The following PDE4D variants were observed in gnomAD, a reference collection of about 807,000 sequenced individuals.
PDE4D encodes the protein phosphodiesterase 4D.
PDE4D carries 24 observed loss-of-function variants against 87.4 expected under a neutral mutation model. The observed-to-expected ratio is 0.27, with a 90% CI of 0.20 to 0.39. The LOEUF (loss-of-function observed/expected upper bound fraction) is 0.39. PDE4D is among the 10% of genes least tolerant of loss of function. The pLI is 1.00. For missense variants in PDE4D, 714 were observed against 1,041.0 expected (o/e 0.69, Z 4.32); for synonymous variants, 384 against 383.2 (o/e 1.00, Z -0.02).
chr5:60,093,123 G>A (rs1210765561), intron 2 of PDE4D, among the ~76,000 whole-genome samples: 1 of 152,172 alleles, frequency 6.6e-6, no homozygotes, highest in Non-Finnish European at 1.5e-5. Context: ...AGGTAGGTAT[G>A]GAATCTTTCT....
intron 1 of PDE4D, among the ~76,000 whole-genome samples, chr5:59,534,194 T>A (rs989515605): frequency 2.3e-4 from 35 of 152,350 alleles, no homozygotes; most frequent in African/African-American, 8.4e-4. Context: ...GAGATTGATT[T>A]TCTTGCTCTA....
At chr5:59,644,299 C>T (rs1007308914) in intron 1 of PDE4D, among the ~76,000 whole-genome samples, 3 of 152,130 alleles carry the variant, frequency 2.0e-5, no homozygotes. Flanking sequence ...CTGTGTTGGT[C>T]TGAGTAATGG....
At chr5:59,420,339 A>G (rs938440698) in intron 1 of PDE4D, among the ~76,000 whole-genome samples, 1 of 152,134 alleles carries the variant, frequency 6.6e-6, no homozygotes, top group African/African-American at 2.4e-5. Flanking sequence ...ACCTTTAAAA[A>G]CTGCCAGTGA....
intron 5 of PDE4D, among the ~76,000 whole-genome samples, chr5:59,051,509 T>A (rs1188623168): frequency 1.3e-5 from 2 of 152,190 alleles, no homozygotes; most frequent in African/African-American, 2.4e-5. Context: ...TTTCAAACAT[T>A]TCCCAAAGAA....
chr5:60,318,085 G>T (rs1040906442), intron 1 of PDE4D, among the ~76,000 whole-genome samples: 4 of 152,018 alleles, frequency 2.6e-5, no homozygotes, highest in Non-Finnish European at 2.9e-5. Context: ...TTGACAGTGG[G>T]GTGTTAAAGT....
chr5:59,744,401 T>C (rs1396360102), intron 1 of PDE4D, among the ~76,000 whole-genome samples: 1 of 152,168 alleles, frequency 6.6e-6, no homozygotes, highest in Non-Finnish European at 1.5e-5. Flanking sequence ...CCACAACTTT[T>C]GATCACTTTA....
At chr5:60,105,536 G>A (rs1452649684) in intron 2 of PDE4D, among the ~76,000 whole-genome samples, 1 of 152,042 alleles carries the variant, frequency 6.6e-6, no homozygotes, top group Non-Finnish European at 1.5e-5. Context: ...TCCTCAAGAA[G>A]CACACCTCCA....
At chr5:60,313,549 A>G (rs924561728) in intron 1 of PDE4D, among the ~76,000 whole-genome samples, 7 of 152,206 alleles carry the variant, frequency 4.6e-5, no homozygotes, top group Non-Finnish European at 7.3e-5. Flanking sequence ...ATTCAAAAAA[A>G]CTGACTAGGA....
intron 1 of PDE4D, among the ~76,000 whole-genome samples, chr5:59,467,486 G>C (rs1801755312): frequency 6.6e-6 from 1 of 152,132 alleles, no homozygotes; most frequent in Non-Finnish European, 1.5e-5. Flanking sequence ...TTTAACCTTT[G>C]CTATTTGTTC....
intron 1 of PDE4D, among the ~76,000 whole-genome samples, chr5:59,584,551 G>A (rs1293168959): frequency 6.6e-6 from 1 of 152,170 alleles, no homozygotes; most frequent in Admixed American, 6.5e-5. Flanking sequence ...AGATCTAGAG[G>A]AGCATGAATA....
intron 1 of PDE4D, among the ~76,000 whole-genome samples, chr5:60,213,298 G>A (rs557868135): frequency 1.3e-5 from 2 of 152,290 alleles, no homozygotes; most frequent in South Asian, 2.1e-4. Context: ...TGGCAAATAG[G>A]GGTGTGGAAA....
chr5:59,823,739 T>A (rs1392854526), intron 1 of PDE4D, among the ~76,000 whole-genome samples: 1 of 151,814 alleles, frequency 6.6e-6, no homozygotes. Context: ...TGCCTACTTT[T>A]CTGATTTCCT....
chr5:59,926,272 A>G (rs552653690), intron 3 of PDE4D, among the ~76,000 whole-genome samples: 1 of 152,164 alleles, frequency 6.6e-6, no homozygotes, highest in South Asian at 2.1e-4. Context: ...GCAGTGAGTC[A>G]ATGAGGAAAT....
intron 2 of PDE4D, among the ~76,000 whole-genome samples, chr5:60,048,012 A>T (rs1315714398): frequency 6.6e-6 from 1 of 152,128 alleles, no homozygotes; most frequent in Non-Finnish European, 1.5e-5. Flanking sequence ...GTCTCTTTGT[A>T]GGTCTCTCAG....
chr5:60,272,562 T>C (rs1041860693), intron 1 of PDE4D, among the ~76,000 whole-genome samples: 9 of 152,128 alleles, frequency 5.9e-5, no homozygotes, highest in Non-Finnish European at 1.2e-4. Context: ...ATGAAGGCAG[T>C]TTATTCTTCT....
intron 6 of PDE4D, among the ~76,000 whole-genome samples, chr5:59,033,720 TA>T (rs1356508219): frequency 6.6e-6 from 1 of 152,196 alleles, no homozygotes; most frequent in Non-Finnish European, 1.5e-5. Flanking sequence ...ATACTTCTTT[TA>T]TCATGGGCAA....
At chr5:59,155,573 G>A (rs1780056516) in intron 5 of PDE4D, among the ~76,000 whole-genome samples, 1 of 152,170 alleles carries the variant, frequency 6.6e-6, no homozygotes, top group African/African-American at 2.4e-5. Flanking sequence ...CTAGCTAAAG[G>A]ATCAATAAAG....
At chr5:59,880,946 G>C (rs959403044) in intron 1 of PDE4D, among the ~76,000 whole-genome samples, 3 of 152,060 alleles carry the variant, frequency 2.0e-5, no homozygotes, top group African/African-American at 4.8e-5. Flanking sequence ...GTCAACAGAA[G>C]TAATGACTAT....
intron 1 of PDE4D, among the ~76,000 whole-genome samples, chr5:59,862,661 T>C (rs998793048): frequency 1.3e-5 from 2 of 152,256 alleles, no homozygotes; most frequent in African/African-American, 4.8e-5. Context: ...AGCCACAGTA[T>C]GTGCTGTGGT....
Sources: gnomAD v4.1 joint callset for allele counts (sites outside exome capture counted in the v4.1 genomes callset) on GRCh38, gnomAD v4.1.1 for gene constraint, MANE v1.5 for transcripts, NCBI Gene and HGNC (gene_info 2026-07-23, HGNC 2026-07-21) for gene names.